DAPK1: variants seen among roughly 807,000 people sequenced by gnomAD.
The protein encoded by DAPK1 is death-associated protein kinase 1.
DAPK1 carries 56 observed loss-of-function variants against 144.9 expected under a neutral mutation model. That is an observed-to-expected ratio of 0.39 (90% CI 0.31 to 0.48). The LOEUF (loss-of-function observed/expected upper bound fraction) is 0.48, where lower values mean the gene tolerates loss of function less well. DAPK1 is among the 20% of genes least tolerant of loss of function. The pLI, the probability that DAPK1 is intolerant of heterozygous loss-of-function variation, is 0.95. For missense variants in DAPK1, 1,454 were observed against 1,875.4 expected (o/e 0.78, Z 4.15); for synonymous variants, 690 against 749.0 (o/e 0.92, Z 1.29).
intron 21 of DAPK1, among the ~76,000 whole-genome samples, chr9:87,690,103 C>A (rs1825003693): frequency 6.6e-6 from 1 of 152,146 alleles, no homozygotes; most frequent in Admixed American, 6.5e-5. Context: ...GTAGTATGAG[C>A]ATTTTCACAA....
At chr9:87,624,588 G>T (rs36209408) in intron 3 of DAPK1, among the ~76,000 whole-genome samples, 3 of 152,154 alleles carry the variant, frequency 2.0e-5, no homozygotes, top group African/African-American at 7.2e-5. Flanking sequence ...TACCAGAGGT[G>T]CAGAAAGGTT....
intron 11 of DAPK1, among the ~76,000 whole-genome samples, 156 bp downstream of exon 11, chr9:87,643,624 T>G (rs1830171774): frequency 6.6e-6 from 1 of 152,100 alleles, no homozygotes. Context: ...TGCTGATTGA[T>G]GCACCCTCTT....
At chr9:87,619,026 A>G (rs1829197944) in intron 3 of DAPK1, among the ~76,000 whole-genome samples, 1 of 151,894 alleles carries the variant, frequency 6.6e-6, no homozygotes, top group Non-Finnish European at 1.5e-5. Context: ...CCCTCCCCAT[A>G]TTCATCCATG....
intron 20 of DAPK1, 156 bp downstream of exon 20, chr9:87,681,782 G>A (rs759328750): frequency 5.0e-5 from 33 of 653,946 alleles, no homozygotes; most frequent in Non-Finnish European, 7.5e-5. Context: ...TTGGCTGGTA[G>A]CCTTGTGTGT....
chr9:87,519,189 T>C (rs1367737588), intron 2 of DAPK1, among the ~76,000 whole-genome samples: 3 of 152,084 alleles, frequency 2.0e-5, no homozygotes, highest in Admixed American at 2.0e-4. Context: ...TATCACTGGG[T>C]TCAGCAAGGG....
At chr9:87,680,399 C>T (rs1393590177) in intron 19 of DAPK1, among the ~76,000 whole-genome samples, 3 of 152,200 alleles carry the variant, frequency 2.0e-5, no homozygotes, top group Non-Finnish European at 4.4e-5. Context: ...GCCACCGCAC[C>T]CGATTTGTTG....
At position 87,706,791 on chromosome 9, in the gene DAPK1, G is replaced by C. The variant is rs1368367013; in HGVS notation, c.3720G>C (p.Gln1240His). ...LLTVKHYLSP[Q>H]QLREHHEPVM... ...CCGTGAAGCATTACCTGAGCCCCCA[G>C]CAGCTGCGGGAGCACCATGAGCCCG... The change falls in exon 26 of 26, where the codon CAG becomes CAC. Residue 1240 changes from glutamine (Q) to histidine (H), a missense_variant. Transcript: ENST00000408954. The surrounding 1 kb of genome is among the most constrained non-coding windows in gnomAD (Gnocchi z 9.0). 3 of 1,613,492 alleles carry C rather than the reference G, an allele frequency of 1.9e-6. No homozygotes were observed. The highest frequency in any genetic ancestry group is 2.5e-6 in the Non-Finnish European group (3 of 1,179,838).
Position 87,707,124 on chromosome 9 carries a change from G to A in DAPK1, c.4053G>A (p.Lys1351=). 1 of 1,613,992 alleles carries A rather than the reference G, an allele frequency of 6.2e-7. No homozygotes were observed. Among genetic ancestry groups the A allele is most frequent in the Non-Finnish European group, 8.5e-7 (1 of 1,179,912 alleles). ...AKYNTSNGAP[K]DFLPSPLHAL... ...ACAACACCAGTAACGGGGCTCCCAAGGATTTCCTCCCCAGCCCCCTCCACG... is the reference window on the plus strand; with the variant it reads ...ACAACACCAGTAACGGGGCTCCCAAAGATTTCCTCCCCAGCCCCCTCCACG... Residue 1351 remains lysine (K), a synonymous_variant, in exon 26 of 26, where the codon AAG becomes AAA. Transcript: ENST00000408954. This position sits in a 1 kb window ranked among gnomAD's most constrained non-coding sequence, Gnocchi z 4.0.
At chr9:87,560,102 T>C (rs1449262611) in intron 2 of DAPK1, among the ~76,000 whole-genome samples, 1 of 151,838 alleles carries the variant, frequency 6.6e-6, no homozygotes, top group African/African-American at 2.4e-5. Flanking sequence ...GCTATTCTCC[T>C]GCCTCAGCCT....
At chr9:87,571,105 C>T (rs1278882908) in intron 2 of DAPK1, among the ~76,000 whole-genome samples, 1 of 152,120 alleles carries the variant, frequency 6.6e-6, no homozygotes, top group Non-Finnish European at 1.5e-5. Flanking sequence ...CATGCCAACG[C>T]CTGTTTTCTT....
rs778449893 is a variant in DAPK1, at chr9:87,700,213, A to G, written c.2847A>G (p.Gln949=). The G allele has an allele frequency of 1.2e-6, 2 of 1,611,042 alleles. No homozygotes were observed. The highest frequency in any genetic ancestry group is 2.2e-5 in the South Asian group (2 of 91,014). ...TGAAGGTACTTCGAAATCATCTGCA[A>G]GAAATACGAAGCCAGATTGTTTCGG... ...KDMKVLRNHL[Q]EIRSQIVSVC... The change falls in exon 24 of 26, where the codon CAA becomes CAG. Residue 949 remains glutamine (Q), a synonymous_variant. Coordinates refer to ENST00000408954, the MANE Select transcript of DAPK1 (RefSeq NM_004938.4).
rs150126996 is a variant in DAPK1, at chr9:87,523,946, T to G, written c.62+24807T>G. Among the ~76,000 whole-genome samples the G allele has an allele frequency of 1.8e-4, 27 of 152,344 alleles. No individual in the cohort carries two copies. The East Asian group carries it at 5.2e-3, about 29-fold the overall frequency. ...ATCCCACTCTAGGAAAATACAAGCCTTACGGTGTTTATGTTTGCTATATTC... is the reference window on the plus strand; with the variant it reads ...ATCCCACTCTAGGAAAATACAAGCCGTACGGTGTTTATGTTTGCTATATTC... On this transcript the variant is annotated intron_variant, in intron 2 of 25. Transcript: ENST00000408954.
At chr9:87,563,153 T>C (rs1587721768) in intron 2 of DAPK1, among the ~76,000 whole-genome samples, 1 of 152,350 alleles carries the variant, frequency 6.6e-6, no homozygotes, top group East Asian at 1.9e-4. Context: ...TTTTGTTCTT[T>C]ATTAACTGTA....
At chr9:87,519,876 G>A (rs1370538782) in intron 2 of DAPK1, among the ~76,000 whole-genome samples, 1 of 152,162 alleles carries the variant, frequency 6.6e-6, no homozygotes, top group African/African-American at 2.4e-5. Flanking sequence ...AGGGCCGAGA[G>A]GACATACCTG....
chr9:87,534,897 G>A (rs1372139222), intron 2 of DAPK1, among the ~76,000 whole-genome samples: 4 of 151,920 alleles, frequency 2.6e-5, no homozygotes, highest in Non-Finnish European at 5.9e-5. Flanking sequence ...TGCCTGCCTC[G>A]GCCTCCTAAA....
At chr9:87,520,244 G>T (rs1825244893) in intron 2 of DAPK1, among the ~76,000 whole-genome samples, 1 of 152,160 alleles carries the variant, frequency 6.6e-6, no homozygotes, top group African/African-American at 2.4e-5. Flanking sequence ...TGTGTAAACG[G>T]ATTGATGGAA....
intron 3 of DAPK1, among the ~76,000 whole-genome samples, chr9:87,610,280 T>C (rs1828877838): frequency 6.6e-6 from 1 of 152,264 alleles, no homozygotes; most frequent in Admixed American, 6.5e-5. Context: ...TTTCATGTCC[T>C]CCACGTCCCA....
chr9:87,535,193 G>T (rs1331746713), intron 2 of DAPK1, among the ~76,000 whole-genome samples: 1 of 151,882 alleles, frequency 6.6e-6, no homozygotes, highest in Non-Finnish European at 1.5e-5. Flanking sequence ...CCCTGTTTCT[G>T]GTGTCACCTC....
In DAPK1 at chr9:87,639,342, C is replaced by CT. The variant is rs1334838650; in HGVS notation, c.424-5dup. 1.9e-6 allele frequency: 3 copies of CT among 1,584,414 alleles called. No individual in the cohort carries two copies. The highest frequency in any genetic ancestry group is 2.6e-6 in the Non-Finnish European group (3 of 1,170,582). Reference sequence around the variant, plus strand: ...ATCATAGCTTTTTATTTATCTCTCTCTTTTTTTCAAGCCTGAGAACATAAT... The same window carrying CT: ...ATCATAGCTTTTTATTTATCTCTCTCTTTTTTTTCAAGCCTGAGAACATAAT... On this transcript the variant is annotated splice_polypyrimidine_tract_variant and intron_variant, in intron 4 of 25. Coordinates refer to ENST00000408954, the MANE Select transcript of DAPK1 (RefSeq NM_004938.4).
Sources: allele counts gnomAD v4.1 joint callset (sites outside exome capture counted in the v4.1 genomes callset), GRCh38; gene constraint gnomAD v4.1.1; non-coding constraint Gnocchi (gnomAD v3.1); transcripts MANE v1.5; gene names NCBI Gene and HGNC (gene_info 2026-07-23, HGNC 2026-07-21).